Variants in NLRP14 observed in about 807,000 individuals in gnomAD.
NLRP14 encodes NLR family pyrin domain containing 14.
NLRP14 carries 105 observed loss-of-function variants against 94.7 expected under a neutral mutation model. The ratio of observed to expected loss-of-function variants is 1.11; its 90% CI spans 0.95 to 1.30. The LOEUF (loss-of-function observed/expected upper bound fraction) is 1.30. Among genes scored for constraint, NLRP14 ranks in the 50% most tolerant of loss-of-function variants. The pLI is 0.00. For missense variants in NLRP14, 1,362 were observed against 1,254.1 expected, an observed-to-expected ratio of 1.09 and a Z score of -1.30; for synonymous variants, 508 against 459.9, an observed-to-expected ratio of 1.10 and a Z score of -1.34.
chr11:7,049,900 T>G, intron 6 of NLRP14, 62 bp downstream of exon 6: 2 of 1,387,188 alleles, frequency 1.4e-6, no homozygotes, highest in Non-Finnish European at 1.0e-6. Flanking sequence ...TCTATCCAAG[T>G]AGACTCTTAC....
At chr11:7,041,019 AC>A (rs1289289103) in intron 3 of NLRP14, among the ~76,000 whole-genome samples, 3 of 152,216 alleles carry the variant, frequency 2.0e-5, no homozygotes, top group African/African-American at 7.2e-5. Context: ...TATTATGGGA[AC>A]TTTGGAAAAT....
chr11:7,089,684 C>T, the NLRP14 span: 73 of 1,501,694 alleles, frequency 4.9e-5, 1 homozygote, highest in Non-Finnish European at 5.9e-5. Flanking sequence ...GGGGGCGAGA[C>T]GGCTACTCAG....
At chr11:7,068,375 C>T (rs1310993777) in intron 10 of NLRP14, among the ~76,000 whole-genome samples, 2 of 152,098 alleles carry the variant, frequency 1.3e-5, no homozygotes, top group Admixed American at 6.5e-5. Context: ...CAAATGACTG[C>T]GTTAACTTAA....
At position 7,043,010 on chromosome 11, in the gene NLRP14, A is replaced by G. The variant is rs775325326; in HGVS notation, c.984A>G (p.Leu328=). ...LLKNHHYVEL[L]GMSEDAREEY... is the part of the protein sequence containing the mutation. ...AGAATCACCATTATGTAGAGCTACT[A>G]GGAATGTCTGAGGATGCAAGAGAGG... is the stretch of plus-strand genomic sequence containing the variant. Residue 328 remains leucine, a synonymous_variant, in exon 4 of 12, where the codon CTA becomes CTG. Coordinates refer to ENST00000299481, the MANE Select transcript of NLRP14 (RefSeq NM_176822.4). 2 of 1,614,202 alleles carry G rather than the reference A, an allele frequency of 1.2e-6. No individual in the cohort carries two copies. Among genetic ancestry groups the G allele is most frequent in the East Asian group, 4.5e-5 (2 of 44,894 alleles).
downstream of NLRP14, among the ~76,000 whole-genome samples, chr11:7,076,494 A>G (rs919413230): frequency 6.6e-6 from 1 of 152,034 alleles, no homozygotes; most frequent in Admixed American, 6.6e-5. Context: ...TATTATAAGC[A>G]TTAAGGCTAT....
At chr11:7,035,209 T>C (rs1480362522) in intron 1 of NLRP14, among the ~76,000 whole-genome samples, 1 of 152,176 alleles carries the variant, frequency 6.6e-6, no homozygotes, top group East Asian at 1.9e-4. Flanking sequence ...AAGTCCAAGT[T>C]ACTTGGGTGG....
the NLRP14 span, among the ~76,000 whole-genome samples, chr11:7,078,626 C>T: frequency 3.3e-5 from 5 of 151,068 alleles, no homozygotes; most frequent in Admixed American, 3.3e-4. Context: ...CCCGTCTCTA[C>T]TAAAAATACA....
At chr11:7,076,769 G>A in the NLRP14 span, among the ~76,000 whole-genome samples, 1 of 151,792 alleles carries the variant, frequency 6.6e-6, no homozygotes, top group African/African-American at 2.4e-5. Context: ...TAAGTTCTAT[G>A]AGAACAGAAA....
chr11:7,031,815 T>G (rs1016886716), intron 1 of NLRP14, among the ~76,000 whole-genome samples: 27 of 152,190 alleles, frequency 1.8e-4, no homozygotes, highest in Non-Finnish European at 2.4e-4. Context: ...GTGCAACAGC[T>G]GCTCTCACTG....
At chr11:7,036,421 C>T (rs928739619) in intron 1 of NLRP14, among the ~76,000 whole-genome samples, 3 of 152,042 alleles carry the variant, frequency 2.0e-5, no homozygotes, top group Admixed American at 6.6e-5. Context: ...GGTTCAGACT[C>T]ATATAGATCT....
At chr11:7,069,740 C>G (rs1280389472) in intron 10 of NLRP14, among the ~76,000 whole-genome samples, 1 of 152,088 alleles carries the variant, frequency 6.6e-6, no homozygotes, top group Non-Finnish European at 1.5e-5. Context: ...AATTCTCCTC[C>G]CTCAGCCTCC....
At chr11:7,089,855 C>T in the NLRP14 span, 1 of 1,612,420 alleles carries the variant, frequency 6.2e-7, no homozygotes, top group Non-Finnish European at 8.5e-7. Flanking sequence ...ATTACGGCCA[C>T]TCCAGTGTCC....
intron 5 of NLRP14, among the ~76,000 whole-genome samples, chr11:7,049,058 T>TGTCCACCAA (rs1403717746): frequency 6.6e-6 from 1 of 152,100 alleles, no homozygotes; most frequent in Non-Finnish European, 1.5e-5. Context: ...AAGGTGGTGT[T>TGTCCACCAA]ACAAAGCGAG....
chr11:7,048,513 G>A (rs1478766264), intron 5 of NLRP14, among the ~76,000 whole-genome samples: 1 of 152,092 alleles, frequency 6.6e-6, no homozygotes, highest in Non-Finnish European at 1.5e-5. Context: ...ATGTTCTTTT[G>A]GGTGGGGGCT....
the NLRP14 span, chr11:7,090,134 G>A: frequency 6.2e-7 from 1 of 1,613,180 alleles, no homozygotes; most frequent in Non-Finnish European, 8.5e-7. Flanking sequence ...GCTACTCGAG[G>A]GGCCGACACC....
rs191829889 is a variant in NLRP14 at position 7,031,409 on chromosome 11, C to A, written c.-21-7157C>A. On this transcript the variant is annotated intron_variant, in intron 1 of 11. Coordinates refer to ENST00000299481, the MANE Select transcript of NLRP14 (RefSeq NM_176822.4). ...GGTGGGACACTTCTGGGCATGGCGCCGGCCATGACCAGGGTGGAAAAGCGA... is the reference window on the plus strand; with the variant it reads ...GGTGGGACACTTCTGGGCATGGCGCAGGCCATGACCAGGGTGGAAAAGCGA... 3.8e-3 allele frequency among the ~76,000 whole-genome samples: 585 copies of A among 152,232 alleles called. 6 individuals carry two copies. Among genetic ancestry groups the A allele is most frequent in the African/African-American group, 0.013 (541 of 41,536 alleles).
rs146034701 is a variant in NLRP14 at position 7,043,003 on chromosome 11, A to G, written c.977A>G (p.Glu326Gly). The change falls in exon 4 of 12, where the codon GAG becomes GGG. Residue 326 changes from glutamate (E) to glycine (G), a missense_variant. Glu to Gly is a moderately conservative substitution (Grantham distance 98, BLOSUM62 -2). Coordinates refer to ENST00000299481, the MANE Select transcript of NLRP14 (RefSeq NM_176822.4). ...TTGTTGAAGAATCACCATTATGTAG[A>G]GCTACTAGGAATGTCTGAGGATGCA... is the stretch of plus-strand genomic sequence containing the variant. ...KQLLKNHHYV[E>G]LLGMSEDARE... is the part of the protein sequence containing the mutation. The G allele has an allele frequency of 1.2e-5, 20 of 1,614,180 alleles. No homozygotes were observed. The African/African-American group carries it at 2.7e-4, about 22-fold the overall frequency.
At chr11:7,059,050 A>C (rs1261364948) in intron 8 of NLRP14, among the ~76,000 whole-genome samples, 2 of 151,932 alleles carry the variant, frequency 1.3e-5, no homozygotes, top group African/African-American at 4.8e-5. Context: ...GTATTAATTA[A>C]ATAGTTGAAA....
rs769971303 is a variant in NLRP14, at chr11:7,042,784, G to T, written c.758G>T (p.Ser253Ile). The change falls in exon 4 of 12, where the codon AGC (serine) becomes ATC (isoleucine). Residue 253 changes from serine to isoleucine, a missense_variant. Physicochemically the swap from Ser to Ile is moderately radical, Grantham distance 142. Transcript: ENST00000299481. The stretch of plus-strand genomic sequence containing the variant: ...GAAGAAATCATGTACCAGCCAAGTA[G>T]CCTCTTGTTTATTATTGACAGTTTC... ...PIEEIMYQPS[S>I]LLFIIDSFDE... is the part of the protein sequence containing the mutation. 2 of 1,614,100 alleles carry T rather than the reference G, an allele frequency of 1.2e-6. No individual in the cohort carries two copies. The highest frequency in any genetic ancestry group is 2.7e-5 in the African/African-American group (2 of 74,940).
Sources: gnomAD v4.1 joint callset for allele counts (sites outside exome capture counted in the v4.1 genomes callset) on GRCh38, gnomAD v4.1.1 for gene constraint, MANE v1.5 for transcripts, NCBI Gene and HGNC (gene_info 2026-07-23, HGNC 2026-07-21) for gene names.